FBXO36: variants seen among roughly 807,000 people sequenced by gnomAD.
FBXO36 encodes F-box only protein 36.
FBXO36 carries 18 observed loss-of-function variants against 17.0 expected under a neutral mutation model. The ratio of observed to expected loss-of-function variants is 1.06; its 90% confidence interval spans 0.73 to 1.57. The LOEUF is 1.57. FBXO36 is among the 40% of genes most tolerant of loss of function. The pLI is 0.00. For missense variants in FBXO36, 229 were observed against 221.9 expected, an observed-to-expected ratio of 1.03 and a Z score of -0.20; for synonymous variants, 83 against 85.3, an observed-to-expected ratio of 0.97 and a Z score of 0.15.
At chr2:229,929,197 G>C (rs1005573908) in intron 1 of FBXO36, among the ~76,000 whole-genome samples, 5 of 151,870 alleles carry the variant, frequency 3.3e-5, no homozygotes, top group Admixed American at 2.0e-4. Context: ...ACCTCCCAAA[G>C]TGCTGGGATT....
chr2:229,946,754 T>C (rs1209756749), intron 1 of FBXO36, among the ~76,000 whole-genome samples: 1 of 152,206 alleles, frequency 6.6e-6, no homozygotes, highest in African/African-American at 2.4e-5. Flanking sequence ...TGTAAGAGCC[T>C]AATGTTCAGC....
intron 1 of FBXO36, among the ~76,000 whole-genome samples, chr2:229,948,475 G>C (rs1362466897): frequency 7.0e-6 from 1 of 142,578 alleles, no homozygotes; most frequent in Non-Finnish European, 1.5e-5. Flanking sequence ...CTTTTCCTTA[G>C]TAAACAATTA....
At chr2:229,931,902 G>T (rs2076940128) in intron 1 of FBXO36, among the ~76,000 whole-genome samples, 1 of 148,350 alleles carries the variant, frequency 6.7e-6, no homozygotes, top group Admixed American at 7.0e-5. Context: ...TTGGTTTTTT[G>T]CTTGTATATG....
In FBXO36 at chr2:229,948,743, G is replaced by A; in HGVS notation, c.96+26134G>A. Among the ~76,000 whole-genome samples, 2 of 152,198 alleles carry A rather than the reference G, an allele frequency of 1.3e-5. 1 individual carries two copies. The highest frequency in any genetic ancestry group is 3.8e-4 in the East Asian group (2 of 5,204). On this transcript the variant is annotated intron_variant, in intron 1 of 3. Transcript: ENST00000283946. ...AGCTATCTGGTACCACGCAAAAGCAGCCAAATTCTGAAAGTGACGGAAAAC... is the reference window on the plus strand; with the variant it reads ...AGCTATCTGGTACCACGCAAAAGCAACCAAATTCTGAAAGTGACGGAAAAC...
chr2:229,939,692 A>C (rs753133303), intron 1 of FBXO36, among the ~76,000 whole-genome samples: 1 of 152,106 alleles, frequency 6.6e-6, no homozygotes. Context: ...CTGCTCCCCT[A>C]TTACTTACTG....
chr2:229,963,105 G>A (rs566804841), intron 1 of FBXO36, among the ~76,000 whole-genome samples: 12 of 151,404 alleles, frequency 7.9e-5, no homozygotes, highest in South Asian at 6.3e-4. Context: ...TCACCCTGTC[G>A]CCCAGGCTGG....
At chr2:229,983,104 G>A (rs9808091) in intron 2 of FBXO36, among the ~76,000 whole-genome samples, 2,331 of 151,906 alleles carry the variant, frequency 0.015, 60 homozygotes, top group East Asian at 0.11. Flanking sequence ...TGCCGGGCGC[G>A]GTGGCTCATG....
At chr2:229,997,042 C>T (rs922675844) in intron 3 of FBXO36, 119 bp downstream of exon 3, 118 of 866,334 alleles carry the variant, frequency 1.4e-4, no homozygotes, top group Middle Eastern at 9.7e-4. Flanking sequence ...CTTAGGTGCA[C>T]AAGCAGCAGA....
chr2:229,972,963 G>T (rs1398487198), intron 1 of FBXO36, among the ~76,000 whole-genome samples: 1 of 151,852 alleles, frequency 6.6e-6, no homozygotes, highest in Non-Finnish European at 1.5e-5. Flanking sequence ...TCGAGAGGTT[G>T]AGGTAGTAGA....
chr2:229,980,675 G>T (rs1302422179), intron 2 of FBXO36, among the ~76,000 whole-genome samples: 1 of 152,068 alleles, frequency 6.6e-6, no homozygotes, highest in African/African-American at 2.4e-5. Flanking sequence ...TACTTGAGGG[G>T]TTCTGATACT....
intron 1 of FBXO36, among the ~76,000 whole-genome samples, chr2:229,971,582 A>G (rs1303287314): frequency 2.6e-5 from 4 of 152,126 alleles, no homozygotes; most frequent in African/African-American, 9.7e-5. Flanking sequence ...GCTATGTGAG[A>G]GGATACTGGA....
At chr2:229,964,739 T>C (rs746769415) in intron 1 of FBXO36, among the ~76,000 whole-genome samples, 10 of 152,228 alleles carry the variant, frequency 6.6e-5, no homozygotes, top group Non-Finnish European at 8.8e-5. Context: ...CAGGCTGGTC[T>C]CGAACTCCTG....
At chr2:229,926,274 A>G (rs536814863) in intron 1 of FBXO36, among the ~76,000 whole-genome samples, 33 of 151,238 alleles carry the variant, frequency 2.2e-4, no homozygotes, top group Middle Eastern at 6.8e-3. Context: ...TACTAAAAAT[A>G]CAAAAAATTA....
intron 1 of FBXO36, among the ~76,000 whole-genome samples, chr2:229,927,112 G>A (rs527441490): frequency 6.6e-5 from 10 of 152,234 alleles, no homozygotes; most frequent in African/African-American, 2.4e-4. Context: ...TGCCCGCCTT[G>A]GCCTCCCAAA....
At chr2:229,966,751 G>A (rs973459202) in intron 1 of FBXO36, among the ~76,000 whole-genome samples, 1 of 152,070 alleles carries the variant, frequency 6.6e-6, no homozygotes, top group Admixed American at 6.6e-5. Flanking sequence ...TCTCTGTTTT[G>A]GTACCAGTAC....
chr2:229,979,716 T>A (rs1189333617), intron 2 of FBXO36, among the ~76,000 whole-genome samples: 1 of 150,374 alleles, frequency 6.7e-6, no homozygotes, highest in Non-Finnish European at 1.5e-5. Context: ...GGAGGCGGAG[T>A]TAAAAAAAAA....
chr2:229,966,828 T>C (rs2077155926), intron 1 of FBXO36, among the ~76,000 whole-genome samples: 1 of 152,194 alleles, frequency 6.6e-6, no homozygotes, highest in African/African-American at 2.4e-5. Context: ...GCCTCCAGCT[T>C]TGTTCTTTTG....
intron 2 of FBXO36, among the ~76,000 whole-genome samples, chr2:229,990,523 A>G (rs2077293066): frequency 6.6e-6 from 1 of 152,180 alleles, no homozygotes; most frequent in African/African-American, 2.4e-5. Flanking sequence ...ATACGTTAAT[A>G]TGGCAAATTC....
chr2:229,922,648 C>A, intron 1 of FBXO36, 39 bp downstream of exon 1: 1 of 1,604,156 alleles, frequency 6.2e-7, no homozygotes, highest in East Asian at 2.2e-5. Flanking sequence ...TCCTAACTCC[C>A]TACCTGGCCC....
Sources: allele counts gnomAD v4.1 joint callset (sites outside exome capture counted in the v4.1 genomes callset), GRCh38; gene constraint gnomAD v4.1.1; transcripts MANE v1.5; gene names NCBI Gene and HGNC (gene_info 2026-07-23, HGNC 2026-07-21).